Variants in ANKS1B observed in about 807,000 individuals in gnomAD.
The protein encoded by ANKS1B is ankyrin repeat and sterile alpha motif domain-containing protein 1B.
Under a neutral mutation model 148.3 loss-of-function variants are expected in ANKS1B, and 36 were observed. That is an observed-to-expected ratio of 0.24 (90% confidence interval 0.19 to 0.32). ANKS1B has a LOEUF of 0.32. Among genes scored for constraint, ANKS1B ranks in the 10% least tolerant of loss-of-function variants. The pLI, the probability that ANKS1B is intolerant of heterozygous loss-of-function variation, is 1.00. For synonymous variants in ANKS1B, 542 were observed against 560.8 expected (o/e 0.97, Z 0.47); for missense variants, 1,157 against 1,542.6 (o/e 0.75, Z 4.19).
intron 12 of ANKS1B, among the ~76,000 whole-genome samples, chr12:99,312,253 T>C (rs2083282030): frequency 6.6e-6 from 1 of 152,180 alleles, no homozygotes; most frequent in South Asian, 2.1e-4. Flanking sequence ...TGCTGGCTAA[T>C]TAACAAAAGG....
chr12:99,652,552 A>G (rs2098427099), intron 9 of ANKS1B, among the ~76,000 whole-genome samples: 1 of 151,958 alleles, frequency 6.6e-6, no homozygotes, highest in East Asian at 1.9e-4. Flanking sequence ...AATTCAGTTA[A>G]AAAAAAACAC....
intron 4 of ANKS1B, among the ~76,000 whole-genome samples, chr12:99,804,631 G>A (rs757200956): frequency 2.0e-5 from 3 of 152,098 alleles, no homozygotes; most frequent in East Asian, 1.9e-4. Context: ...CTGTGAGCAC[G>A]CATTCCACCT....
At chr12:99,138,334 A>T (rs1470322719) in intron 15 of ANKS1B, among the ~76,000 whole-genome samples, 1 of 152,224 alleles carries the variant, frequency 6.6e-6, no homozygotes, top group African/African-American at 2.4e-5. Context: ...ATAGGAGGAT[A>T]TTCCAGATGA....
chr12:99,420,794 A>T (rs1445493832), intron 11 of ANKS1B, among the ~76,000 whole-genome samples: 1 of 152,196 alleles, frequency 6.6e-6, no homozygotes. Context: ...CCTCAAGGAA[A>T]CAAAATCATT....
chr12:99,612,049 G>C (rs1388905591), intron 9 of ANKS1B, among the ~76,000 whole-genome samples: 1 of 151,912 alleles, frequency 6.6e-6, no homozygotes, highest in Non-Finnish European at 1.5e-5. Flanking sequence ...ATGATGATTA[G>C]AGCAAAATTG....
chr12:99,115,267 C>T (rs1470123113), intron 15 of ANKS1B, among the ~76,000 whole-genome samples: 1 of 152,194 alleles, frequency 6.6e-6, no homozygotes, highest in Non-Finnish European at 1.5e-5. Flanking sequence ...GGTAAATTTA[C>T]ACCATGGAAT....
At chr12:99,280,156 C>CTGTGTG (rs113352121) in intron 12 of ANKS1B, among the ~76,000 whole-genome samples, 17 of 150,228 alleles carry the variant, frequency 1.1e-4, no homozygotes, top group African/African-American at 4.2e-4. Flanking sequence ...CCAATAGAGT[C>CTGTGTG]TGTGTGTGTG....
rs574159142 is a variant in ANKS1B at position 99,881,166 on chromosome 12, T to A, written c.135-55777A>T. The stretch of plus-strand genomic sequence containing the variant: ...AGACACCAGCATACAAACAGAGAGA[T>A]TTCCAGAGAAGTCCTCTAGCTCTGG... On this transcript the variant is annotated intron_variant, in intron 1 of 26. Transcript: ENST00000683438. Among the ~76,000 whole-genome samples, 22 of 152,274 alleles carry A rather than the reference T, an allele frequency of 1.4e-4. No homozygotes were observed. In the South Asian group the frequency reaches 4.4e-3, roughly 30 times the overall value.
chr12:99,296,184 T>C (rs1008599398), intron 12 of ANKS1B, among the ~76,000 whole-genome samples: 4 of 152,238 alleles, frequency 2.6e-5, no homozygotes, highest in African/African-American at 9.6e-5. Flanking sequence ...TTTTGTTTCA[T>C]TGATCTATTT....
At chr12:99,077,405 G>C (rs1294695017) in intron 16 of ANKS1B, among the ~76,000 whole-genome samples, 3 of 152,154 alleles carry the variant, frequency 2.0e-5, no homozygotes, top group Non-Finnish European at 4.4e-5. Flanking sequence ...TGAGTGATGG[G>C]ATGGGAGAAT....
chr12:99,825,271 T>C, intron 2 of ANKS1B, 38 bp downstream of exon 2: 1 of 1,540,824 alleles, frequency 6.5e-7, no homozygotes, highest in Non-Finnish European at 8.9e-7. Flanking sequence ...CACATGTAAC[T>C]AAATACACAC....
chr12:99,239,470 T>A (rs2131168), intron 14 of ANKS1B, among the ~76,000 whole-genome samples: 30,689 of 152,144 alleles, frequency 0.2, 3,361 homozygotes, highest in Middle Eastern at 0.3. Flanking sequence ...ACAGGGAGAA[T>A]GAACCAAGTT....
chr12:98,744,265 A>T lies in ANKS1B; in HGVS notation c.*1474T>A, dbSNP rs1025805292. ...TATTAAAATTCTTCAACACTGAACTAAAACCGTATACATTTGTTAGTTTGA... is the reference window on the plus strand; with the variant it reads ...TATTAAAATTCTTCAACACTGAACTTAAACCGTATACATTTGTTAGTTTGA... On this transcript the variant is annotated 3_prime_UTR_variant, in exon 27 of 27. Coordinates refer to ENST00000683438, the MANE Select transcript of ANKS1B (RefSeq NM_001352186.2). 3 of 941,190 alleles carry T rather than the reference A, an allele frequency of 3.2e-6. No homozygotes were observed. Among genetic ancestry groups the T allele is most frequent in the Admixed American group, 1.2e-4 (2 of 16,212 alleles). 58.3% of individuals were successfully genotyped at this position (941,190 alleles called of 1,614,324 possible). A position where few individuals can be genotyped will look rare whatever the true frequency, so the allele number is the denominator to read the frequency against.
At chr12:99,116,222 T>C (rs1024952723) in intron 15 of ANKS1B, among the ~76,000 whole-genome samples, 2 of 152,216 alleles carry the variant, frequency 1.3e-5, no homozygotes, top group Non-Finnish European at 2.9e-5. Flanking sequence ...GGCTAGTCCC[T>C]GGTCTGAGAA....
intron 11 of ANKS1B, among the ~76,000 whole-genome samples, chr12:99,424,119 A>G (rs576747672): frequency 9.2e-5 from 14 of 152,342 alleles, no homozygotes; most frequent in African/African-American, 3.4e-4. Flanking sequence ...ATATATATCC[A>G]TATATAAATG....
chr12:99,962,556 T>A (rs953662112), intron 1 of ANKS1B, among the ~76,000 whole-genome samples: 1 of 152,166 alleles, frequency 6.6e-6, no homozygotes, highest in African/African-American at 2.4e-5. Context: ...TTCCTTTGAG[T>A]ATATACCCAG....
At chr12:99,522,751 G>C (rs2096887463) in intron 9 of ANKS1B, among the ~76,000 whole-genome samples, 1 of 152,186 alleles carries the variant, frequency 6.6e-6, no homozygotes, top group Non-Finnish European at 1.5e-5. Context: ...AAATTAATGT[G>C]ACATTAGCTG....
intron 17 of ANKS1B, among the ~76,000 whole-genome samples, chr12:98,910,541 A>G (rs1020667065): frequency 6.6e-6 from 1 of 152,240 alleles, no homozygotes; most frequent in Non-Finnish European, 1.5e-5. Context: ...TTCAGAAAAA[A>G]TGCAAAACTT....
intron 17 of ANKS1B, among the ~76,000 whole-genome samples, chr12:98,924,139 T>C (rs2099804984): frequency 6.6e-6 from 1 of 152,170 alleles, no homozygotes; most frequent in African/African-American, 2.4e-5. Flanking sequence ...GAGGTCTGAT[T>C]AAAGCAGGGA....
Sources: allele counts gnomAD v4.1 joint callset (sites outside exome capture counted in the v4.1 genomes callset), GRCh38; gene constraint gnomAD v4.1.1; transcripts MANE v1.5; gene names NCBI Gene and HGNC (gene_info 2026-07-23, HGNC 2026-07-21).